SLC2A13: variants seen among roughly 807,000 people sequenced by gnomAD.
SLC2A13 encodes the protein proton myo-inositol cotransporter.
In SLC2A13, 32 loss-of-function variants were observed where a neutral mutation model predicts 64.4. The observed-to-expected ratio is 0.50, with a 90% CI of 0.37 to 0.67. The LOEUF (loss-of-function observed/expected upper bound fraction) is 0.67, where lower values mean the gene tolerates loss of function less well. Among genes scored for constraint, SLC2A13 ranks in the 30% least tolerant of loss-of-function variants. The pLI is 0.00. For synonymous variants in SLC2A13, 338 were observed against 327.1 expected (o/e 1.03, Z -0.36); for missense variants, 743 against 829.2 (o/e 0.90, Z 1.28).
chr12:39,762,787 C>T (rs1940203997), intron 9 of SLC2A13, among the ~76,000 whole-genome samples: 1 of 152,016 alleles, frequency 6.6e-6, no homozygotes, highest in African/African-American at 2.4e-5. Context: ...TTTTCTACTA[C>T]TAGAGAGTAG....
At chr12:39,786,149 C>G (rs1456781133) in intron 7 of SLC2A13, among the ~76,000 whole-genome samples, 1 of 152,056 alleles carries the variant, frequency 6.6e-6, no homozygotes, top group East Asian at 1.9e-4. Flanking sequence ...TTGGCTTTGT[C>G]CCCACCCAAA....
At chr12:39,855,539 C>T (rs539643956) in intron 6 of SLC2A13, among the ~76,000 whole-genome samples, 1 of 152,312 alleles carries the variant, frequency 6.6e-6, no homozygotes, top group East Asian at 1.9e-4. Flanking sequence ...CATTTTTCTC[C>T]CTCATAGCTG....
rs1174425819 is a variant in SLC2A13, at chr12:39,755,810, A to G, written c.*4216T>C. The G allele has an allele frequency of 6.6e-6, 1 of 152,074 alleles. No individual in the cohort carries two copies. Among genetic ancestry groups the G allele is most frequent in the Non-Finnish European group, 1.5e-5 (1 of 67,888 alleles). The allele number at this position is 152,074 out of a possible 1,614,324, so 9.4% of individuals were successfully genotyped here. ...GACTATATATTTTGTACATATAAAG[A>G]TTTACATAAATTATATTGTTTTAGC... is the stretch of plus-strand genomic sequence containing the variant. On this transcript the variant is annotated 3_prime_UTR_variant, in exon 10 of 10. Coordinates refer to ENST00000280871, the MANE Select transcript of SLC2A13 (RefSeq NM_052885.4).
chr12:40,027,195 G>A lies in SLC2A13; in HGVS notation c.925+1106C>T, dbSNP rs551013684. Among the ~76,000 whole-genome samples the A allele has an allele frequency of 9.9e-4, 151 of 152,150 alleles. 1 individual carries two copies. The highest frequency in any genetic ancestry group is 3.1e-3 in the African/African-American group (130 of 41,522). Reference sequence around the variant, plus strand: ...TTTTAAGATATTTTTTAAGGAACACGATGTTTAACTCAGTAAAAGTAAAAC... The same window carrying A: ...TTTTAAGATATTTTTTAAGGAACACAATGTTTAACTCAGTAAAAGTAAAAC... On this transcript the variant is annotated intron_variant, in intron 3 of 9. Coordinates refer to ENST00000280871, the MANE Select transcript of SLC2A13 (RefSeq NM_052885.4).
intron 4 of SLC2A13, among the ~76,000 whole-genome samples, chr12:39,941,063 T>C (rs1238964571): frequency 1.3e-5 from 2 of 152,096 alleles, no homozygotes; most frequent in Non-Finnish European, 2.9e-5. Context: ...TATAGCTGCA[T>C]AGTATTCCAT....
intron 4 of SLC2A13, among the ~76,000 whole-genome samples, chr12:39,878,305 G>A (rs1279158980): frequency 2.0e-5 from 3 of 152,230 alleles, no homozygotes; most frequent in African/African-American, 7.2e-5. Context: ...GAGGTTGGAA[G>A]AATTTGGAGG....
At chr12:39,859,793 TG>T (rs1353011502) in intron 6 of SLC2A13, among the ~76,000 whole-genome samples, 4 of 152,184 alleles carry the variant, frequency 2.6e-5, no homozygotes, top group African/African-American at 7.2e-5. Flanking sequence ...CCCAAAGTGC[TG>T]GGATTACACG....
At chr12:39,893,905 T>C (rs1415209887) in intron 4 of SLC2A13, among the ~76,000 whole-genome samples, 1 of 152,226 alleles carries the variant, frequency 6.6e-6, no homozygotes, top group Non-Finnish European at 1.5e-5. Context: ...GTAAATCCAT[T>C]ATTTTTATTG....
At position 40,051,234 on chromosome 12, in the gene SLC2A13, G is replaced by A. The variant is rs183680926; in HGVS notation, c.557-3024C>T. On this transcript the variant is annotated intron_variant, in intron 1 of 9. Coordinates refer to ENST00000280871, the MANE Select transcript of SLC2A13 (RefSeq NM_052885.4). Reference sequence around the variant, plus strand: ...AGCTGACAATGACCAGGTGGTAGTTGGAAAGGTTGGGCAGACAATTCTGCA... The same window carrying A: ...AGCTGACAATGACCAGGTGGTAGTTAGAAAGGTTGGGCAGACAATTCTGCA... 3.3e-5 allele frequency among the ~76,000 whole-genome samples: 5 copies of A among 152,286 alleles called. No homozygotes were observed. The East Asian group carries it at 5.8e-4, about 18-fold the overall frequency.
intron 3 of SLC2A13, among the ~76,000 whole-genome samples, chr12:40,023,460 T>C (rs1947755410): frequency 6.6e-6 from 1 of 152,184 alleles, no homozygotes; most frequent in East Asian, 1.9e-4. Flanking sequence ...TGGTACAGGA[T>C]AAGAAACTAA....
At chr12:40,029,967 C>T (rs1947878998) in intron 2 of SLC2A13, among the ~76,000 whole-genome samples, 1 of 152,124 alleles carries the variant, frequency 6.6e-6, no homozygotes, top group South Asian at 2.1e-4. Flanking sequence ...ATTTAGCTAT[C>T]CCAATCAATT....
chr12:39,859,333 GAAAA>G (rs34726316), intron 6 of SLC2A13, among the ~76,000 whole-genome samples: 971 of 62,058 alleles, frequency 0.016, 23 homozygotes, highest in African/African-American at 0.06. Flanking sequence ...TTTTTTTTCT[GAAAA>G]AAAAAAAAAA....
intron 1 of SLC2A13, among the ~76,000 whole-genome samples, chr12:40,098,717 C>A (rs1188965066): frequency 6.6e-6 from 1 of 152,160 alleles, no homozygotes; most frequent in Non-Finnish European, 1.5e-5. Context: ...ACTCTTTCTG[C>A]CTAAATATCC....
At chr12:39,995,809 T>TA (rs1167626102) in intron 3 of SLC2A13, among the ~76,000 whole-genome samples, 2 of 152,174 alleles carry the variant, frequency 1.3e-5, no homozygotes, top group Non-Finnish European at 2.9e-5. Context: ...CAAGATCTGA[T>TA]AGTTTTAAAA....
intron 1 of SLC2A13, among the ~76,000 whole-genome samples, chr12:40,053,799 T>G (rs1948296509): frequency 6.6e-6 from 1 of 152,178 alleles, no homozygotes; most frequent in Admixed American, 6.6e-5. Context: ...AATACGCACA[T>G]GTTAGGCACA....
chr12:39,846,194 C>T (rs879936587), intron 6 of SLC2A13, among the ~76,000 whole-genome samples: 2 of 152,116 alleles, frequency 1.3e-5, no homozygotes, highest in Admixed American at 6.5e-5. Flanking sequence ...TCTAGAAAAA[C>T]CAAGGTGGTG....
intron 4 of SLC2A13, among the ~76,000 whole-genome samples, chr12:39,893,546 C>T (rs529223221): frequency 3.9e-5 from 6 of 152,310 alleles, no homozygotes; most frequent in South Asian, 4.1e-4. Flanking sequence ...GTGATCTGCC[C>T]GCCTTGGTCT....
chr12:39,933,447 T>C (rs1336600823), intron 4 of SLC2A13, among the ~76,000 whole-genome samples: 4 of 152,294 alleles, frequency 2.6e-5, no homozygotes, highest in East Asian at 3.9e-4. Context: ...GAAGGATGCA[T>C]GCTAAATAAT....
chr12:39,871,135 G>A (rs1944040502), intron 5 of SLC2A13, among the ~76,000 whole-genome samples: 1 of 151,862 alleles, frequency 6.6e-6, no homozygotes, highest in African/African-American at 2.4e-5. Flanking sequence ...TTAAATATGT[G>A]GGTCTCATTC....
Sources: gnomAD v4.1 joint callset for allele counts (sites outside exome capture counted in the v4.1 genomes callset) on GRCh38, gnomAD v4.1.1 for gene constraint, MANE v1.5 for transcripts, NCBI Gene and HGNC (gene_info 2026-07-23, HGNC 2026-07-21) for gene names.